The following GLS variants were observed in gnomAD, a reference collection of about 807,000 sequenced individuals.
GLS encodes glutaminase kidney isoform, mitochondrial.
Under a neutral mutation model 86.7 loss-of-function variants are expected in GLS, and 36 were observed. The ratio of observed to expected loss-of-function variants is 0.42; its 90% CI spans 0.32 to 0.55. The LOEUF is 0.55. GLS is among the 20% of genes least tolerant of loss of function. GLS has a pLI of 0.17. For synonymous variants in GLS, 317 were observed against 305.9 expected (o/e 1.04, Z -0.38); for missense variants, 528 against 833.4 (o/e 0.63, Z 4.51).
Position 190,921,270 on chromosome 2 carries a change from C to T in GLS, c.1130+67C>T. ...ACTGTATTTAGAATTGATCCACTCT[C>T]TTTTCATTGGAGGGAAATGAATGAT... On this transcript the variant is annotated intron_variant, in intron 9 of 17. Coordinates refer to ENST00000320717, the MANE Select transcript of GLS (RefSeq NM_014905.5). The surrounding 1 kb of genome is among the most constrained non-coding windows in gnomAD (Gnocchi z 4.2). The T allele has an allele frequency of 9.8e-7, 1 of 1,016,102 alleles. No individual in the cohort carries two copies. Among genetic ancestry groups the T allele is most frequent in the Non-Finnish European group, 1.6e-6 (1 of 641,058 alleles). 62.9% of individuals were successfully genotyped at this position (1,016,102 alleles called of 1,614,324 possible). A position where few individuals can be genotyped will look rare whatever the true frequency, so the allele number is the denominator to read the frequency against.
intron 5 of GLS, among the ~76,000 whole-genome samples, chr2:190,903,782 G>A (rs1002612267): frequency 6.6e-6 from 1 of 152,006 alleles, no homozygotes; most frequent in Non-Finnish European, 1.5e-5. Context: ...ATCTTATATA[G>A]TATAACTATA....
intron 17 of GLS, among the ~76,000 whole-genome samples, chr2:190,958,613 G>A (rs140315910): frequency 0.031 from 4,784 of 152,140 alleles, 104 homozygotes; most frequent in Middle Eastern, 0.12. Context: ...ATTCTGGTAC[G>A]TTTTGTCTTT....
intron 4 of GLS, 120 bp from the exon 5 acceptor site, chr2:190,901,827 G>C: frequency 2.9e-6 from 2 of 680,750 alleles, no homozygotes; most frequent in Non-Finnish European, 5.4e-6. Context: ...AAGCCACTGA[G>C]TGTTGTAGAA....
In GLS at chr2:190,900,513, C is replaced by A. The variant is rs1392588995; in HGVS notation, c.606-51C>A. On this transcript the variant is annotated intron_variant, in intron 3 of 17. Transcript: ENST00000320717. ...TAATTATTACTGTTATTACCAAGTT[C>A]TGATATTTGAAATGTACCCAGTTTA... 7.5e-6 allele frequency: 8 copies of A among 1,073,314 alleles called. No homozygotes were observed. The African/African-American group carries it at 7.9e-5, about 11-fold the overall frequency. 66.5% of individuals were successfully genotyped at this position (1,073,314 alleles called of 1,614,324 possible).
intron 7 of GLS, among the ~76,000 whole-genome samples, chr2:190,917,727 C>T (rs934803844): frequency 1.3e-5 from 2 of 152,076 alleles, no homozygotes; most frequent in African/African-American, 2.4e-5. Flanking sequence ...GCTCCTTGTA[C>T]GTCTCTATCA....
In GLS at chr2:190,923,546, G is replaced by A. The variant is rs116242786; in HGVS notation, c.1131-371G>A. Among the ~76,000 whole-genome samples the A allele has an allele frequency of 4.9e-3, 744 of 152,278 alleles. 9 individuals are homozygous for A. The highest frequency in any genetic ancestry group is 0.017 in the African/African-American group (711 of 41,558). On this transcript the variant is annotated intron_variant, in intron 9 of 17. Coordinates refer to ENST00000320717, the MANE Select transcript of GLS (RefSeq NM_014905.5). ...TGATTATGTCAAGTTCCCTGATTAT[G>A]TCAATTAAAATGGACTCTTATTGTA...
intron 3 of GLS, among the ~76,000 whole-genome samples, chr2:190,898,823 G>T (rs572735988): frequency 4.5e-4 from 68 of 152,224 alleles, no homozygotes; most frequent in Non-Finnish European, 7.5e-4. Flanking sequence ...TAGAGACAGG[G>T]TTTCTCCATG....
Position 190,913,323 on chromosome 2 carries a change from A to G in GLS, c.1038+3002A>G. ...ATAAATTCTTAACTACTAAGCTTAT[A>G]GGAAAACTCCAATATTTAAAATTTT... On this transcript the variant is annotated intron_variant, in intron 7 of 17. Transcript: ENST00000320717. The surrounding 1 kb of genome is among the most constrained non-coding windows in gnomAD (Gnocchi z 6.1). 1 of 1,224,536 alleles carries G rather than the reference A, an allele frequency of 8.2e-7. No individual in the cohort carries two copies. 75.9% of individuals were successfully genotyped at this position (1,224,536 alleles called of 1,614,324 possible).
rs995573810 is a variant in GLS, at chr2:190,914,080, C to T, written c.1038+3759C>T. 6.6e-6 allele frequency among the ~76,000 whole-genome samples: 1 copy of T among 152,214 alleles called. No homozygotes were observed. Among genetic ancestry groups the T allele is most frequent in the South Asian group, 2.1e-4 (1 of 4,838 alleles). ...ATGCTGGGATGACAGGCATTAGCCA[C>T]TCTACTTGGCATGCCTCATTCTAGT... is the stretch of plus-strand genomic sequence containing the variant. On this transcript the variant is annotated intron_variant, in intron 7 of 17. Coordinates refer to ENST00000320717, the MANE Select transcript of GLS (RefSeq NM_014905.5). This position sits in a 1 kb window ranked among gnomAD's most constrained non-coding sequence, Gnocchi z 4.4.
intron 7 of GLS, chr2:190,919,834 A>G (rs571824919): frequency 1.1e-5 from 3 of 266,880 alleles, no homozygotes; most frequent in African/African-American, 4.6e-5. Context: ...TAATTAAATT[A>G]TCCTTAATCT....
chr2:190,953,387 AAAG>A lies in GLS; in HGVS notation c.1651-172_1651-170del, dbSNP rs1278022248. Among the ~76,000 whole-genome samples the A allele has an allele frequency of 1.3e-5, 2 of 152,192 alleles. No individual in the cohort carries two copies. The highest frequency in any genetic ancestry group is 4.8e-5 in the African/African-American group (2 of 41,440). On this transcript the variant is annotated intron_variant, in intron 14 of 17. Coordinates refer to ENST00000320717, the MANE Select transcript of GLS (RefSeq NM_014905.5). The surrounding 1 kb of genome is among the most constrained non-coding windows in gnomAD (Gnocchi z 4.0). ...AATTTTCCCTCACAATCCACTGTTA[AAAG>A]AAGAAAGTATCACACACGTGGGTTC...
At chr2:190,891,334 A>G (rs1011918485) in intron 1 of GLS, among the ~76,000 whole-genome samples, 36 of 152,276 alleles carry the variant, frequency 2.4e-4, no homozygotes, top group Middle Eastern at 3.4e-3. Context: ...AAAAGGACAA[A>G]ACTTAGTGAT....
chr2:190,942,315 C>T lies in GLS; in HGVS notation c.1650+10678C>T, dbSNP rs112292372. 3.6e-4 allele frequency among the ~76,000 whole-genome samples: 55 copies of T among 151,896 alleles called. No individual in the cohort carries two copies. In the East Asian group the frequency reaches 0.01, roughly 28 times the overall value. Reference sequence around the variant, plus strand: ...CAAGATGGTCTCGATCTCCTGACCTCGTGATCCGCCCGCCTCGGTCTCCCA... The same window carrying T: ...CAAGATGGTCTCGATCTCCTGACCTTGTGATCCGCCCGCCTCGGTCTCCCA... On this transcript the variant is annotated intron_variant, in intron 14 of 17. Coordinates refer to ENST00000320717, the MANE Select transcript of GLS (RefSeq NM_014905.5).
chr2:190,941,093 T>C (rs1454492775), intron 14 of GLS, among the ~76,000 whole-genome samples: 1 of 152,190 alleles, frequency 6.6e-6, no homozygotes, highest in African/African-American at 2.4e-5. Context: ...TCAACTAATG[T>C]TTATTTCTTG....
intron 3 of GLS, chr2:190,896,537 G>A (rs912140888): frequency 1.3e-5 from 2 of 152,166 alleles, no homozygotes; most frequent in Non-Finnish European, 2.9e-5. Context: ...AGTTTGTTAT[G>A]TATGGTTGTA....
At chr2:190,929,340 G>T (rs1690023417) in intron 12 of GLS, among the ~76,000 whole-genome samples, 2 of 151,742 alleles carry the variant, frequency 1.3e-5, no homozygotes, top group African/African-American at 4.8e-5. Flanking sequence ...GTTTATCTTA[G>T]AACAATTAGA....
chr2:190,886,211 A>G (rs1241604526), intron 1 of GLS, among the ~76,000 whole-genome samples: 1 of 152,160 alleles, frequency 6.6e-6, no homozygotes, highest in Non-Finnish European at 1.5e-5. Flanking sequence ...AGGTACCAAT[A>G]ACTATATGTC....
intron 6 of GLS, among the ~76,000 whole-genome samples, chr2:190,906,090 G>A (rs948236086): frequency 2.0e-5 from 3 of 151,716 alleles, no homozygotes; most frequent in African/African-American, 4.8e-5. Context: ...CCATTTTACC[G>A]TAACCTTTTT....
chr2:190,912,636 A>G (rs1044145457), intron 7 of GLS, among the ~76,000 whole-genome samples: 57 of 152,130 alleles, frequency 3.7e-4, no homozygotes, highest in African/African-American at 1.3e-3. Context: ...GAAACTGAGA[A>G]CCTGGCAAGG....
Sources: gnomAD v4.1 joint callset for allele counts (sites outside exome capture counted in the v4.1 genomes callset) on GRCh38, gnomAD v4.1.1 for gene constraint, Gnocchi (gnomAD v3.1) non-coding constraint, MANE v1.5 for transcripts, NCBI Gene and HGNC (gene_info 2026-07-23, HGNC 2026-07-21) for gene names.